The following KSR2 variants were observed in gnomAD, a reference collection of about 807,000 sequenced individuals.
The protein encoded by KSR2 is kinase suppressor of ras 2.
In KSR2, 25 loss-of-function variants were observed where a neutral mutation model predicts 107.8. That is an observed-to-expected ratio of 0.23 (90% CI 0.17 to 0.32). The LOEUF is 0.32. Ranked by LOEUF, KSR2 falls within the 10% of genes least tolerant of loss-of-function variation. The pLI, the probability that KSR2 is intolerant of heterozygous loss-of-function variation, is 1.00. For synonymous variants in KSR2, 480 were observed against 507.0 expected, an observed-to-expected ratio of 0.95 and a Z score of 0.71; for missense variants, 887 against 1,268.9, an observed-to-expected ratio of 0.70 and a Z score of 4.57.
At chr12:117,498,831 T>G (rs765276739) in intron 14 of KSR2, among the ~76,000 whole-genome samples, 5 of 152,246 alleles carry the variant, frequency 3.3e-5, no homozygotes, top group Admixed American at 6.5e-5. Flanking sequence ...GTGAGATGTG[T>G]CTTTCACCTT....
chr12:117,856,534 T>G (rs550343673), intron 2 of KSR2, among the ~76,000 whole-genome samples: 105 of 152,296 alleles, frequency 6.9e-4, no homozygotes, highest in Non-Finnish European at 1.1e-3. Flanking sequence ...TGGAGTGCAA[T>G]GGCGCGATCT....
At chr12:117,681,368 C>T (rs990950627) in intron 4 of KSR2, among the ~76,000 whole-genome samples, 1 of 151,996 alleles carries the variant, frequency 6.6e-6, no homozygotes, top group Non-Finnish European at 1.5e-5. Flanking sequence ...GAAGGCAGAC[C>T]TGGCATTTTG....
chr12:117,562,423 T>C (rs1036540479), intron 7 of KSR2, among the ~76,000 whole-genome samples: 12 of 152,042 alleles, frequency 7.9e-5, no homozygotes, highest in Non-Finnish European at 1.2e-4. Context: ...GGGGAGTCAG[T>C]CCAAGAAGTT....
chr12:117,841,637 G>T (rs140856411), intron 3 of KSR2, among the ~76,000 whole-genome samples: 11 of 152,320 alleles, frequency 7.2e-5, no homozygotes, highest in African/African-American at 2.2e-4. Flanking sequence ...CTGAGCAAAT[G>T]GAAACACAGG....
At chr12:117,711,139 A>G (rs1035890098) in intron 4 of KSR2, among the ~76,000 whole-genome samples, 1 of 152,252 alleles carries the variant, frequency 6.6e-6, no homozygotes, top group Non-Finnish European at 1.5e-5. Context: ...ATCTATTTAA[A>G]GACCATTGCA....
At chr12:117,499,765 A>G (rs1299818976) in intron 14 of KSR2, among the ~76,000 whole-genome samples, 3 of 150,698 alleles carry the variant, frequency 2.0e-5, no homozygotes, top group Non-Finnish European at 3.0e-5. Context: ...TTACTGTTCA[A>G]TTTTTTTTTT....
chr12:117,537,410 T>C (rs551365024), intron 10 of KSR2, among the ~76,000 whole-genome samples: 4 of 152,346 alleles, frequency 2.6e-5, no homozygotes, highest in African/African-American at 9.6e-5. Flanking sequence ...TTTATTATTA[T>C]TGTATTTAAT....
chr12:117,502,978 G>A (rs1873468084), intron 14 of KSR2, among the ~76,000 whole-genome samples: 1 of 152,178 alleles, frequency 6.6e-6, no homozygotes, highest in Non-Finnish European at 1.5e-5. Context: ...GGCGGACACT[G>A]AGAGGAAAAC....
chr12:117,930,916 G>A (rs1895678568), intron 1 of KSR2, among the ~76,000 whole-genome samples: 1 of 152,110 alleles, frequency 6.6e-6, no homozygotes. Flanking sequence ...CCTGTTTCAA[G>A]AAAACAAACA....
chr12:117,554,064 C>A (rs1438341659), intron 9 of KSR2, among the ~76,000 whole-genome samples: 1 of 152,162 alleles, frequency 6.6e-6, no homozygotes, highest in Non-Finnish European at 1.5e-5. Flanking sequence ...CATAGCAATG[C>A]AAATGGACTT....
At chr12:117,492,300 T>C (rs1274698931) in intron 14 of KSR2, among the ~76,000 whole-genome samples, 2 of 152,216 alleles carry the variant, frequency 1.3e-5, no homozygotes, top group Non-Finnish European at 2.9e-5. Context: ...AGAAGGTTTG[T>C]CTCTGAGGGC....
At chr12:117,659,079 G>A (rs916183639) in intron 5 of KSR2, among the ~76,000 whole-genome samples, 1 of 152,122 alleles carries the variant, frequency 6.6e-6, no homozygotes, top group East Asian at 1.9e-4. Context: ...CTCAAGAGAG[G>A]GGTTACTGGG....
At chr12:117,524,820 A>G in intron 14 of KSR2, 32 bp downstream of exon 14, 1 of 1,560,812 alleles carries the variant, frequency 6.4e-7, no homozygotes, top group Non-Finnish European at 8.6e-7. Context: ...GAGTTTTGCC[A>G]ATCCCTGGGT....
At chr12:117,797,209 A>G (rs1890663735) in intron 3 of KSR2, among the ~76,000 whole-genome samples, 1 of 152,230 alleles carries the variant, frequency 6.6e-6, no homozygotes, top group African/African-American at 2.4e-5. Context: ...CCTATTCACA[A>G]TAGCCAAAAG....
intron 1 of KSR2, among the ~76,000 whole-genome samples, chr12:117,873,300 C>A (rs1893712315): frequency 6.8e-6 from 1 of 147,556 alleles, no homozygotes; most frequent in African/African-American, 2.5e-5. Context: ...AGCCGATATG[C>A]ACCACTACAC....
chr12:117,536,769 T>C (rs1393076), intron 10 of KSR2, among the ~76,000 whole-genome samples: 40,844 of 152,254 alleles, frequency 0.27, 6,258 homozygotes, highest in Admixed American at 0.44. Context: ...TATTCAACCA[T>C]TCACCACCTA....
chr12:117,675,774 G>C (rs535081399), intron 4 of KSR2, among the ~76,000 whole-genome samples: 1 of 152,302 alleles, frequency 6.6e-6, no homozygotes, highest in East Asian at 1.9e-4. Flanking sequence ...CTCATTAACT[G>C]TGTCTGGAGC....
At chr12:117,497,818 G>A (rs1475984399) in intron 14 of KSR2, among the ~76,000 whole-genome samples, 1 of 152,196 alleles carries the variant, frequency 6.6e-6, no homozygotes, top group Admixed American at 6.5e-5. Context: ...GCTCAGCCTT[G>A]CTTTGGAGAC....
chr12:117,848,834 AGTGGTG>A (rs71099082), intron 3 of KSR2, among the ~76,000 whole-genome samples: 481 of 133,818 alleles, frequency 3.6e-3, no homozygotes, highest in Non-Finnish European at 5.3e-3. Context: ...TGATGGTGGT[AGTGGTG>A]GTGATGGTGA....
Sources: allele counts gnomAD v4.1 joint callset (sites outside exome capture counted in the v4.1 genomes callset), GRCh38; gene constraint gnomAD v4.1.1; transcripts MANE v1.5; gene names NCBI Gene and HGNC (gene_info 2026-07-23, HGNC 2026-07-21).